The following ERN1 variants were observed in gnomAD, a reference collection of about 807,000 sequenced individuals.
The protein encoded by ERN1 is serine/threonine-protein kinase/endoribonuclease IRE1.
ERN1 carries 39 observed loss-of-function variants against 113.1 expected under a neutral mutation model. The ratio of observed to expected loss-of-function variants is 0.34; its 90% CI spans 0.27 to 0.45. The LOEUF is 0.45. ERN1 is among the 20% of genes least tolerant of loss of function. The pLI is 1.00. For missense variants in ERN1, 976 were observed against 1,274.8 expected, an observed-to-expected ratio of 0.77 and a Z score of 3.57; for synonymous variants, 507 against 515.9, an observed-to-expected ratio of 0.98 and a Z score of 0.23.
Position 64,130,139 on chromosome 17 carries a change from G to A in ERN1, c.-110C>T. 5 of 994,054 alleles carry A rather than the reference G, an allele frequency of 5.0e-6. No individual in the cohort carries two copies. Among genetic ancestry groups the A allele is most frequent in the Non-Finnish European group, 6.6e-6 (5 of 761,182 alleles). 61.6% of individuals were successfully genotyped at this position (994,054 alleles called of 1,614,324 possible). ...GCCTCAGCGGACGCAGAACTGACTA[G>A]GCAGCGGCGGCACCCCCATTCCCGG... On this transcript the variant is annotated 5_prime_UTR_variant, in exon 1 of 22. Transcript: ENST00000433197. This position sits in a 1 kb window ranked among gnomAD's most constrained non-coding sequence, Gnocchi z 4.0.
intron 2 of ERN1, among the ~76,000 whole-genome samples, chr17:64,094,515 C>T (rs1914175476): frequency 6.6e-6 from 1 of 152,030 alleles, no homozygotes; most frequent in African/African-American, 2.4e-5. Flanking sequence ...AAAGGAAGCG[C>T]TGGGTCCCTC....
At chr17:64,057,742 G>A (rs1912918107) in intron 12 of ERN1, 60 bp downstream of exon 12, 1 of 1,469,930 alleles carries the variant, frequency 6.8e-7, no homozygotes, top group Admixed American at 1.7e-5. Flanking sequence ...CTGACATGAG[G>A]CGACAGGCAG....
intron 2 of ERN1, among the ~76,000 whole-genome samples, chr17:64,082,214 CG>C (rs1324603493): frequency 2.6e-5 from 4 of 152,180 alleles, no homozygotes; most frequent in Non-Finnish European, 4.4e-5. Flanking sequence ...ACACCATATG[CG>C]GTCTGTGGGC....
intron 2 of ERN1, among the ~76,000 whole-genome samples, chr17:64,092,872 C>G (rs527650252): frequency 6.6e-6 from 1 of 152,238 alleles, no homozygotes; most frequent in South Asian, 2.1e-4. Context: ...GTTTGCATTT[C>G]GTCTAAAAGT....
intron 1 of ERN1, among the ~76,000 whole-genome samples, chr17:64,108,672 C>T (rs1160194887): frequency 2.0e-5 from 3 of 152,114 alleles, no homozygotes; most frequent in African/African-American, 4.8e-5. Flanking sequence ...AACCAAGAAA[C>T]GTATCAGGCT....
chr17:64,117,494 A>T (rs1251522934), intron 1 of ERN1, among the ~76,000 whole-genome samples: 1 of 152,208 alleles, frequency 6.6e-6, no homozygotes, highest in Non-Finnish European at 1.5e-5. Flanking sequence ...TAGAAAGTAA[A>T]GAAAAATCAA....
chr17:64,064,221 C>A, intron 9 of ERN1, 70 bp from the exon 10 acceptor site: 1 of 1,490,446 alleles, frequency 6.7e-7, no homozygotes, highest in Non-Finnish European at 9.0e-7. Flanking sequence ...ACCATCCCAG[C>A]CACTGTCCTG....
intron 1 of ERN1, among the ~76,000 whole-genome samples, chr17:64,119,502 C>T (rs1197219522): frequency 6.7e-6 from 1 of 149,462 alleles, no homozygotes. Context: ...AATTCTCCTG[C>T]CTCAGCCTCC....
At chr17:64,114,506 TTTG>T (rs1448814942) in intron 1 of ERN1, among the ~76,000 whole-genome samples, 1 of 152,192 alleles carries the variant, frequency 6.6e-6, no homozygotes, top group Admixed American at 6.5e-5. Context: ...CTGCAGAGAA[TTTG>T]TTGTGTTTGA....
chr17:64,047,827 G>A, intron 19 of ERN1, 31 bp downstream of exon 19: 1 of 1,520,988 alleles, frequency 6.6e-7, no homozygotes, highest in Non-Finnish European at 8.8e-7. Flanking sequence ...ATTAAATGAA[G>A]ACTCTGGATA....
Position 64,065,200 on chromosome 17 carries a change from T to G in ERN1, c.921+9A>C. 6.2e-7 allele frequency: 1 copy of G among 1,600,860 alleles called. No homozygotes were observed. Among genetic ancestry groups the G allele is most frequent in the Non-Finnish European group, 8.5e-7 (1 of 1,172,844 alleles). On this transcript the variant is annotated intron_variant, in intron 9 of 21. Coordinates refer to ENST00000433197, the MANE Select transcript of ERN1 (RefSeq NM_001433.5). ...TTAGGCAGCTGCGAGCCCTCCGTAG[T>G]GGACTTACCACGACAGCAACCCCCT...
chr17:64,106,763 C>CACACACACACACACA (rs373338585), intron 1 of ERN1, among the ~76,000 whole-genome samples: 1 of 138,460 alleles, frequency 7.2e-6, no homozygotes, highest in Admixed American at 7.0e-5. Context: ...CACACACACA[C>CACACACACACACACA]AAGCTCGCTG....
chr17:64,097,874 T>C, intron 2 of ERN1: 1 of 443,116 alleles, frequency 2.3e-6, no homozygotes, highest in Non-Finnish European at 4.0e-6. Flanking sequence ...CATTTTAACA[T>C]GAAGTCTAAA....
At chr17:64,126,324 A>T (rs772379667) in intron 1 of ERN1, among the ~76,000 whole-genome samples, 1 of 152,212 alleles carries the variant, frequency 6.6e-6, no homozygotes, top group Non-Finnish European at 1.5e-5. Flanking sequence ...CCTACATATT[A>T]CTTTGGATCC....
chr17:64,058,207 T>A (rs1376366279), intron 11 of ERN1, among the ~76,000 whole-genome samples: 1 of 152,224 alleles, frequency 6.6e-6, no homozygotes, highest in East Asian at 1.9e-4. Context: ...GCAGTGAGGT[T>A]ATCATTATTC....
At chr17:64,073,867 C>A (rs1209215185) in intron 5 of ERN1, among the ~76,000 whole-genome samples, 1 of 152,114 alleles carries the variant, frequency 6.6e-6, no homozygotes, top group Non-Finnish European at 1.5e-5. Context: ...TAGTTTCAAA[C>A]TCCTGGCCTC....
chr17:64,098,829 A>C (rs1914303261), intron 1 of ERN1, among the ~76,000 whole-genome samples: 1 of 152,222 alleles, frequency 6.6e-6, no homozygotes, highest in Non-Finnish European at 1.5e-5. Context: ...ATAAAATTTA[A>C]ATTAAAATGT....
rs1186787775 is a variant in ERN1 at position 64,040,798 on chromosome 17, A to C, written c.*3190T>G. The C allele has an allele frequency of 6.6e-6, 1 of 152,210 alleles. No homozygotes were observed. The highest frequency in any genetic ancestry group is 2.4e-5 in the African/African-American group (1 of 41,452). 9.4% of individuals were successfully genotyped at this position (152,210 alleles called of 1,614,324 possible). A position where few individuals can be genotyped will look rare whatever the true frequency, so the allele number is the denominator to read the frequency against. On this transcript the variant is annotated 3_prime_UTR_variant, in exon 22 of 22. Transcript: ENST00000433197. ...CTTCACAGCTAATCAGGGAAATGCC[A>C]GTGTTCCCCAGGTGAAAATGTTTTG...
intron 17 of ERN1, among the ~76,000 whole-genome samples, chr17:64,050,065 C>T (rs9908611): frequency 0.036 from 5,425 of 152,276 alleles, 322 homozygotes; most frequent in African/African-American, 0.12. Flanking sequence ...AGAGCAAATG[C>T]TTTCATCCCC....
Sources: allele counts gnomAD v4.1 joint callset (sites outside exome capture counted in the v4.1 genomes callset), GRCh38; gene constraint gnomAD v4.1.1; non-coding constraint Gnocchi (gnomAD v3.1); transcripts MANE v1.5; gene names NCBI Gene and HGNC (gene_info 2026-07-23, HGNC 2026-07-21).